The following CDH12 variants were observed in gnomAD, a reference collection of about 807,000 sequenced individuals.
CDH12 encodes cadherin 12.
CDH12 carries 41 observed loss-of-function variants against 74.1 expected under a neutral mutation model. The observed-to-expected ratio is 0.55, with a 90% confidence interval of 0.43 to 0.72. CDH12 has a LOEUF of 0.72. Among genes scored for constraint, CDH12 ranks in the 30% least tolerant of loss-of-function variants. The pLI, the probability that CDH12 is intolerant of heterozygous loss-of-function variation, is 0.00. For missense variants in CDH12, 945 were observed against 977.2 expected (o/e 0.97, Z 0.44); for synonymous variants, 399 against 355.0 (o/e 1.12, Z -1.39).
At chr5:22,748,804 A>T (rs576103090) in intron 1 of CDH12, among the ~76,000 whole-genome samples, 58 of 152,294 alleles carry the variant, frequency 3.8e-4, no homozygotes, top group Admixed American at 1.4e-3. Context: ...ATGCTGTTTC[A>T]TTACATTTTA....
intron 3 of CDH12, among the ~76,000 whole-genome samples, chr5:22,308,041 C>A (rs1418983235): frequency 6.6e-6 from 1 of 150,568 alleles, no homozygotes; most frequent in Non-Finnish European, 1.5e-5. Flanking sequence ...CCACCACGCC[C>A]GGCTAATTTT....
In CDH12 at chr5:22,034,910, A is replaced by G. The variant is rs75679891; in HGVS notation, c.231+43536T>C. ...CAAACAATACCAGGTACAGTAAGTC[A>G]TCGGTTAACGCCATTGACAGGTTCT... On this transcript the variant is annotated intron_variant, in intron 5 of 14. Transcript: ENST00000382254. Among the ~76,000 whole-genome samples the G allele has an allele frequency of 3.9e-3, 601 of 152,284 alleles. 8 individuals carry two copies. Among genetic ancestry groups the G allele is most frequent in the African/African-American group, 0.014 (566 of 41,534 alleles).
At chr5:21,874,385 C>T (rs1243300159) in intron 6 of CDH12, among the ~76,000 whole-genome samples, 1 of 152,182 alleles carries the variant, frequency 6.6e-6, no homozygotes, top group Admixed American at 6.5e-5. Flanking sequence ...TGACCGCATC[C>T]ACCTTTAAAC....
At chr5:22,797,710 A>C (rs1417827148) in intron 1 of CDH12, among the ~76,000 whole-genome samples, 2 of 152,160 alleles carry the variant, frequency 1.3e-5, no homozygotes, top group Non-Finnish European at 1.5e-5. Flanking sequence ...ACTATTAGAG[A>C]ATTTTACTAT....
chr5:22,362,435 G>C (rs560547374), intron 3 of CDH12, among the ~76,000 whole-genome samples: 2 of 152,240 alleles, frequency 1.3e-5, no homozygotes, highest in South Asian at 4.1e-4. Flanking sequence ...GAAACATCAG[G>C]TGCTAGAGAG....
Position 22,525,538 on chromosome 5 carries a change from G to A in CDH12, c.-522-20174C>T, listed in dbSNP as rs574837181. ...GAATGAAGGAAAGAAGGGAGGGAGA[G>A]AGGGAGGGAGGGAGGGAATGGAATG... On this transcript the variant is annotated intron_variant, in intron 1 of 14. Coordinates refer to ENST00000382254, the MANE Select transcript of CDH12 (RefSeq NM_004061.5). 5.3e-5 allele frequency among the ~76,000 whole-genome samples: 8 copies of A among 150,268 alleles called. No individual in the cohort carries two copies. In the South Asian group the frequency reaches 1.1e-3, roughly 20 times the overall value.
chr5:21,872,650 GTTTT>G (rs971602598), intron 6 of CDH12, among the ~76,000 whole-genome samples: 6 of 152,106 alleles, frequency 3.9e-5, no homozygotes, highest in Non-Finnish European at 7.4e-5. Context: ...AAATAAATCA[GTTTT>G]GATGCAAATG....
chr5:22,693,146 CA>C (rs1487376631), intron 1 of CDH12, among the ~76,000 whole-genome samples: 4 of 152,272 alleles, frequency 2.6e-5, no homozygotes, highest in African/African-American at 9.6e-5. Context: ...CAACCTCTTG[CA>C]GCCATGCTTT....
rs150940558 is a variant in CDH12 at position 22,728,139 on chromosome 5, C to G, written c.-523+124919G>C. ...CAATTTTTTATCCTTTTATTTCCTC[C>G]CATCATTAATTATTTCTTCATTTTA... On this transcript the variant is annotated intron_variant, in intron 1 of 14. Coordinates refer to ENST00000382254, the MANE Select transcript of CDH12 (RefSeq NM_004061.5). Among the ~76,000 whole-genome samples, 922 of 151,640 alleles carry G rather than the reference C, an allele frequency of 6.1e-3. 7 individuals are homozygous for G. Among genetic ancestry groups the G allele is most frequent in the Middle Eastern group, 0.027 (8 of 294 alleles).
chr5:22,831,618 CG>C (rs751841720), intron 1 of CDH12, among the ~76,000 whole-genome samples: 8 of 151,982 alleles, frequency 5.3e-5, no homozygotes, highest in Non-Finnish European at 1.0e-4. Context: ...TAAATCCAGC[CG>C]GGTACGGTGG....
chr5:21,950,689 G>A (rs190538249), intron 6 of CDH12, among the ~76,000 whole-genome samples: 1 of 150,506 alleles, frequency 6.6e-6, no homozygotes, highest in African/African-American at 2.4e-5. Flanking sequence ...AGTAAAAAGA[G>A]AGAAACAGTA....
chr5:22,434,399 C>T (rs1306352721), intron 2 of CDH12, among the ~76,000 whole-genome samples: 1 of 151,982 alleles, frequency 6.6e-6, no homozygotes, highest in Non-Finnish European at 1.5e-5. Flanking sequence ...AAATTACCTC[C>T]TCCATTTCAA....
chr5:22,742,191 GAAGA>G (rs10684584), intron 1 of CDH12, among the ~76,000 whole-genome samples: 244 of 149,776 alleles, frequency 1.6e-3, no homozygotes, highest in African/African-American at 5.4e-3. Flanking sequence ...CAAAAAAAAA[GAAGA>G]AAGAAAGAAA....
intron 6 of CDH12, among the ~76,000 whole-genome samples, chr5:21,947,828 T>C (rs1755648976): frequency 6.6e-6 from 1 of 152,226 alleles, no homozygotes; most frequent in African/African-American, 2.4e-5. Context: ...AAAGGTTTCA[T>C]GGGCTGGGCC....
chr5:22,065,482 G>T (rs1469650821), intron 5 of CDH12, among the ~76,000 whole-genome samples: 2 of 152,154 alleles, frequency 1.3e-5, no homozygotes, highest in African/African-American at 4.8e-5. Flanking sequence ...TGGAGCCAAA[G>T]TTTGCCCACA....
chr5:22,717,196 T>G (rs1203828395), intron 1 of CDH12, among the ~76,000 whole-genome samples: 2 of 152,152 alleles, frequency 1.3e-5, no homozygotes, highest in Non-Finnish European at 1.5e-5. Context: ...CAGAGCAACT[T>G]CCAGTACTGC....
chr5:22,379,276 C>T (rs1246074658), intron 3 of CDH12, among the ~76,000 whole-genome samples: 2 of 152,076 alleles, frequency 1.3e-5, no homozygotes, highest in African/African-American at 4.8e-5. Flanking sequence ...AGTTCAGTTA[C>T]TCTGTGTACT....
At chr5:22,842,005 C>A (rs1296821693) in intron 1 of CDH12, among the ~76,000 whole-genome samples, 1 of 152,112 alleles carries the variant, frequency 6.6e-6, no homozygotes, top group East Asian at 1.9e-4. Context: ...CTTAAAATAA[C>A]AATAATCATG....
intron 1 of CDH12, among the ~76,000 whole-genome samples, chr5:22,595,272 C>A (rs1736546906): frequency 6.6e-6 from 1 of 152,030 alleles, no homozygotes; most frequent in Admixed American, 6.5e-5. Flanking sequence ...CTTATGAACC[C>A]AGAAAACACT....
Sources: allele counts gnomAD v4.1 joint callset (sites outside exome capture counted in the v4.1 genomes callset), GRCh38; gene constraint gnomAD v4.1.1; transcripts MANE v1.5; gene names NCBI Gene and HGNC (gene_info 2026-07-23, HGNC 2026-07-21).